AJUBA: variants seen among roughly 807,000 people sequenced by gnomAD.
AJUBA encodes the protein LIM domain-containing protein ajuba.
Under a neutral mutation model 53.3 loss-of-function variants are expected in AJUBA, and 20 were observed. The ratio of observed to expected loss-of-function variants is 0.38; its 90% CI spans 0.26 to 0.55. The LOEUF (loss-of-function observed/expected upper bound fraction) is 0.55, where lower values mean the gene tolerates loss of function less well. Ranked by LOEUF, AJUBA falls within the 20% of genes least tolerant of loss-of-function variation. The pLI is 0.80. For missense variants in AJUBA, 580 were observed against 730.5 expected, an observed-to-expected ratio of 0.79 and a Z score of 2.38; for synonymous variants, 296 against 306.2, an observed-to-expected ratio of 0.97 and a Z score of 0.35.
At position 22,981,503 on chromosome 14, in the gene AJUBA, C is replaced by G. The variant is rs773537445; in HGVS notation, c.764G>C (p.Arg255Pro). 6.3e-7 allele frequency: 1 copy of G among 1,590,478 alleles called. No individual in the cohort carries two copies. Among genetic ancestry groups the G allele is most frequent in the South Asian group, 1.1e-5 (1 of 88,998 alleles). Residue 255 changes from arginine to proline, a missense_variant, in exon 1 of 8, where the codon CGG (arginine) becomes CCG (proline). By Grantham distance (103) the Arg-to-Pro change is moderately radical (BLOSUM62 -2). This residue lies in a region of AJUBA where 430 missense variants were observed against 471.5 expected (regional missense o/e 0.91). Coordinates refer to ENST00000262713, the MANE Select transcript of AJUBA (RefSeq NM_032876.6). ...AGAGTGTCGTCCGGGTTGCGCCCCC[C>G]GTCTCTCCAAGGGCCCCGCCGCTCC... ...GVGAAGPLER[R>P]GAQPGRHSVT...
In AJUBA at chr14:22,979,306, G is replaced by A. The variant is rs930462494; in HGVS notation, c.1007-861C>T. On this transcript the variant is annotated intron_variant, in intron 1 of 7. Transcript: ENST00000262713. The surrounding 1 kb of genome is among the most constrained non-coding windows in gnomAD (Gnocchi z 4.0). The stretch of plus-strand genomic sequence containing the variant: ...GAGGGCTAGGGCCTGTCTTTGGGGA[G>A]CAGATCCCAACGGGCCTGCCCCACC... Among the ~76,000 whole-genome samples the A allele has an allele frequency of 1.3e-5, 2 of 152,208 alleles. No homozygotes were observed. The highest frequency in any genetic ancestry group is 1.5e-5 in the Non-Finnish European group (1 of 68,036).
At chr14:22,974,374 AAAGGG>A (rs1250802226) in intron 6 of AJUBA, among the ~76,000 whole-genome samples, 2 of 152,176 alleles carry the variant, frequency 1.3e-5, no homozygotes, top group African/African-American at 4.8e-5. Flanking sequence ...TGCAGGAAGC[AAAGGG>A]AAGGGAAGGG....
chr14:22,981,328 T>C lies in AJUBA; in HGVS notation c.939A>G (p.Pro313=), dbSNP rs1332417579. ...GGGCGGCCTCCGGAACGAAAGGACC[T>C]GGTGGCTCCTCCAGACCCGACGGCT... is the stretch of plus-strand genomic sequence containing the variant. ...GIEPSGLEEP[P]GPFVPEAARA... Residue 313 remains proline (P), a synonymous_variant, in exon 1 of 8, where the codon CCA becomes CCG. Coordinates refer to ENST00000262713, the MANE Select transcript of AJUBA (RefSeq NM_032876.6). 3 of 1,613,220 alleles carry C rather than the reference T, an allele frequency of 1.9e-6. No individual in the cohort carries two copies. The South Asian group carries it at 3.3e-5, about 18-fold the overall frequency.
chr14:22,973,359 A>G lies in AJUBA; in HGVS notation c.*84T>C. On this transcript the variant is annotated 3_prime_UTR_variant, in exon 8 of 8. Transcript: ENST00000262713. Reference sequence around the variant, plus strand: ...CTCTTCTGCCAGGCCTGCAGAGTGCATTCTTTGCCTTGGCTGGCCTCAGAG... The same window carrying G: ...CTCTTCTGCCAGGCCTGCAGAGTGCGTTCTTTGCCTTGGCTGGCCTCAGAG... 3 of 1,540,286 alleles carry G rather than the reference A, an allele frequency of 1.9e-6. No homozygotes were observed. The highest frequency in any genetic ancestry group is 2.6e-6 in the Non-Finnish European group (3 of 1,139,506).
intron 1 of AJUBA, chr14:22,980,499 G>A (rs1051977036): frequency 1.4e-6 from 1 of 694,228 alleles, no homozygotes; most frequent in African/African-American, 1.9e-5. Flanking sequence ...TCCATCCAGA[G>A]GTAATGGTGT....
chr14:22,981,489 C>T lies in AJUBA; in HGVS notation c.778G>A (p.Gly260Arg). ...CCGTAGCCGGTCACAGAGTGTCGTCCGGGTTGCGCCCCCCGTCTCTCCAAG... is the reference window on the plus strand; with the variant it reads ...CCGTAGCCGGTCACAGAGTGTCGTCTGGGTTGCGCCCCCCGTCTCTCCAAG... ...GPLERRGAQP[G>R]RHSVTGYGDC... Residue 260 changes from glycine (G) to arginine (R), a missense_variant, in exon 1 of 8, where the codon GGA becomes AGA. Physicochemically the swap from Gly to Arg is moderately radical, Grantham distance 125. Coordinates refer to ENST00000262713, the MANE Select transcript of AJUBA (RefSeq NM_032876.6). 6.3e-7 allele frequency: 1 copy of T among 1,596,432 alleles called. No homozygotes were observed. The highest frequency in any genetic ancestry group is 1.1e-5 in the South Asian group (1 of 89,504).
intron 1 of AJUBA, 83 bp downstream of exon 1, chr14:22,981,178 C>G (rs1373315091): frequency 6.0e-6 from 9 of 1,489,400 alleles, no homozygotes; most frequent in Non-Finnish European, 8.1e-6. Context: ...CCCCGGGGCA[C>G]CGGCACTTTG....
rs1209159183 is a variant in AJUBA at position 22,974,199 on chromosome 14, C to T, written c.1423-84G>A. ...CCCTCATATACAACCCTTCCCACCC[C>T]ATGGGAAGATCATACAAATGCCCCC... On this transcript the variant is annotated intron_variant, in intron 6 of 7. Transcript: ENST00000262713. The T allele has an allele frequency of 2.9e-5, 40 of 1,398,572 alleles. No homozygotes were observed. In the Admixed American group the frequency reaches 4.0e-4, roughly 14 times the overall value. 86.6% of individuals were successfully genotyped at this position (1,398,572 alleles called of 1,614,324 possible). A position where few individuals can be genotyped will look rare whatever the true frequency, so the allele number is the denominator to read the frequency against.
At position 22,982,200 on chromosome 14, in the gene AJUBA, T is replaced by C. The variant is rs375254829; in HGVS notation, c.67A>G (p.Ser23Gly). The change falls in exon 1 of 8, where the codon AGC (serine) becomes GGC (glycine). Residue 23 changes from serine to glycine, a missense_variant. Ser to Gly is a moderately conservative substitution (Grantham distance 56, BLOSUM62 0). Around this residue, in one of 2 missense-constraint regions of AJUBA, gnomAD observed 430 missense variants for 471.5 expected, o/e 0.91. Coordinates refer to ENST00000262713, the MANE Select transcript of AJUBA (RefSeq NM_032876.6). The part of the protein sequence containing the change: ...EKFGRRKGES[S>G]RSGSDGTPGP... ...GGGGTCCCGTCAGACCCAGACCGGC[T>C]AGATTCACCCTTTCTGCGGCCGAAC... 2.4e-5 allele frequency: 39 copies of C among 1,613,820 alleles called. No individual in the cohort carries two copies. The African/African-American group carries it at 4.7e-4, about 19-fold the overall frequency.
Position 22,972,586 on chromosome 14 carries a change from G to C in AJUBA, c.*857C>G, listed in dbSNP as rs1381087775. ...TCCCCAGACCCATGTAAGTTCCTGA[G>C]AAACAGGGAATACAGGCAGCAACCC... On this transcript the variant is annotated 3_prime_UTR_variant, in exon 8 of 8. Transcript: ENST00000262713. 1 of 152,580 alleles carries C rather than the reference G, an allele frequency of 6.6e-6. No individual in the cohort carries two copies. Among genetic ancestry groups the C allele is most frequent in the Non-Finnish European group, 1.5e-5 (1 of 68,068 alleles). The allele number at this position is 152,580 out of a possible 1,614,324, so 9.5% of individuals were successfully genotyped here. A position where few individuals can be genotyped will look rare whatever the true frequency, so the allele number is the denominator to read the frequency against.
Position 22,978,448 on chromosome 14 carries a change from G to A in AJUBA, c.1007-3C>T, listed in dbSNP as rs753564914. On this transcript the variant is annotated splice_region_variant and splice_polypyrimidine_tract_variant and intron_variant, in intron 1 of 7. Coordinates refer to ENST00000262713, the MANE Select transcript of AJUBA (RefSeq NM_032876.6). ...TTTGTTGCACTTGATACAGGTGCCTGAGAAGAGAAAAGTGTCACACTCTAC... is the reference window on the plus strand; with the variant it reads ...TTTGTTGCACTTGATACAGGTGCCTAAGAAGAGAAAAGTGTCACACTCTAC... The A allele has an allele frequency of 1.9e-5, 31 of 1,609,120 alleles. No individual in the cohort carries two copies. Among genetic ancestry groups the A allele is most frequent in the Non-Finnish European group, 2.6e-5 (31 of 1,176,010 alleles).
At position 22,979,317 on chromosome 14, in the gene AJUBA, C is replaced by T. The variant is rs1003217695; in HGVS notation, c.1007-872G>A. Among the ~76,000 whole-genome samples, 16 of 152,364 alleles carry T rather than the reference C, an allele frequency of 1.1e-4. No individual in the cohort carries two copies. Among genetic ancestry groups the T allele is most frequent in the South Asian group, 6.2e-4 (3 of 4,832 alleles). On this transcript the variant is annotated intron_variant, in intron 1 of 7. Coordinates refer to ENST00000262713, the MANE Select transcript of AJUBA (RefSeq NM_032876.6). The surrounding 1 kb of genome is among the most constrained non-coding windows in gnomAD (Gnocchi z 4.0). ...CCTGTCTTTGGGGAGCAGATCCCAA[C>T]GGGCCTGCCCCACCTCTCCCCCTCG...
At chr14:22,976,802 T>C in intron 2 of AJUBA, 90 bp from the exon 3 acceptor site, 1 of 1,539,510 alleles carries the variant, frequency 6.5e-7, no homozygotes, top group East Asian at 2.3e-5. Flanking sequence ...GCATAATATA[T>C]TTAAACCTGG....
intron 4 of AJUBA, 33 bp from the exon 5 acceptor site, chr14:22,975,137 C>T (rs776943065): frequency 3.1e-6 from 5 of 1,596,354 alleles, no homozygotes; most frequent in Non-Finnish European, 4.3e-6. Flanking sequence ...AATCAGTCTC[C>T]CTCCAGTCCC....
intron 1 of AJUBA, chr14:22,980,733 C>G (rs1363159545): frequency 2.1e-6 from 2 of 970,118 alleles, no homozygotes; most frequent in South Asian, 9.5e-5. Flanking sequence ...CCCCGAACCC[C>G]ACCCCTCCGC....
rs2045111799 is a variant in AJUBA, at chr14:22,982,353, T to C, written c.-87A>G. The stretch of plus-strand genomic sequence containing the variant: ...CGGTTCTCTTTCCCTGCAGCCGGAC[T>C]CTGGTTCCCCAGGGGCACAGGGGAG... On this transcript the variant is annotated 5_prime_UTR_variant, in exon 1 of 8. Transcript: ENST00000262713. The C allele has an allele frequency of 2.6e-6, 4 of 1,563,570 alleles. No homozygotes were observed.
intron 4 of AJUBA, among the ~76,000 whole-genome samples, chr14:22,976,148 CAAAAAAAAA>C: frequency 1.2e-5 from 1 of 83,402 alleles, no homozygotes; most frequent in South Asian, 5.4e-4. Context: ...GACTCTGTCT[CAAAAAAAAA>C]AAAAAAAAAA....
rs755022851 is a variant in AJUBA at position 22,982,173 on chromosome 14, C to A, written c.94G>T (p.Gly32Trp). 6.2e-7 allele frequency: 1 copy of A among 1,613,408 alleles called. No individual in the cohort carries two copies. The highest frequency in any genetic ancestry group is 8.5e-7 in the Non-Finnish European group (1 of 1,179,694). Residue 32 changes from glycine to tryptophan, a missense_variant, in exon 1 of 8, where the codon GGG becomes TGG. By Grantham distance (184) the Gly-to-Trp change is radical. Around this residue, in one of 2 missense-constraint regions of AJUBA, gnomAD observed 430 missense variants for 471.5 expected, o/e 0.91. Transcript: ENST00000262713. ...CCACTTAGGCGCCCCTTGCCCGGCC[C>A]GGGGGTCCCGTCAGACCCAGACCGG... ...SSRSGSDGTP[G>W]PGKGRLSGLG... is the part of the protein sequence containing the mutation.
chr14:22,982,224 A>C lies in AJUBA; in HGVS notation c.43T>G (p.Phe15Val). ...CTAGATTCACCCTTTCTGCGGCCGA[A>C]CTTCTCCAGCAGGCGACTGGCTTTC... is the stretch of plus-strand genomic sequence containing the variant. Reference protein sequence around the residue: ...GEKASRLLEKFGRRKGESSRS... With the variant: ...GEKASRLLEKVGRRKGESSRS... The change falls in exon 1 of 8, where the codon TTC becomes GTC. Residue 15 changes from phenylalanine (F) to valine (V), a missense_variant. Transcript: ENST00000262713. 6.2e-7 allele frequency: 1 copy of C among 1,613,734 alleles called. No individual in the cohort carries two copies. Among genetic ancestry groups the C allele is most frequent in the Non-Finnish European group, 8.5e-7 (1 of 1,179,818 alleles).
Sources: allele counts gnomAD v4.1 joint callset (sites outside exome capture counted in the v4.1 genomes callset), GRCh38; gene constraint gnomAD v4.1.1; regional missense constraint gnomAD v4.1.1; non-coding constraint Gnocchi (gnomAD v3.1); transcripts MANE v1.5; gene names NCBI Gene and HGNC (gene_info 2026-07-23, HGNC 2026-07-21).